Variants in ANXA3 observed in about 807,000 individuals in gnomAD.
ANXA3 encodes the protein 35-alpha calcimedin.
Under a neutral mutation model 48.8 loss-of-function variants are expected in ANXA3, and 46 were observed. That is an observed-to-expected ratio of 0.94 (90% CI 0.74 to 1.21). The LOEUF (loss-of-function observed/expected upper bound fraction) is 1.21. Among genes scored for constraint, ANXA3 ranks in the 50% most tolerant of loss-of-function variants. The pLI is 0.00. For synonymous variants in ANXA3, 128 were observed against 134.7 expected (o/e 0.95, Z 0.35); for missense variants, 383 against 378.6 (o/e 1.01, Z -0.10).
At chr4:78,593,803 A>ATTTTTTT (rs60515646) in intron 7 of ANXA3, among the ~76,000 whole-genome samples, 1 of 88,742 alleles carries the variant, frequency 1.1e-5, no homozygotes, top group African/African-American at 3.7e-5. Flanking sequence ...CATTCAGCTA[A>ATTTTTTT]TTTTTTTTTT....
intron 2 of ANXA3, among the ~76,000 whole-genome samples, chr4:78,565,647 T>C (rs1578392053): frequency 6.6e-6 from 1 of 152,220 alleles, no homozygotes; most frequent in African/African-American, 2.4e-5. Context: ...GTTCAAATCC[T>C]GGCTGTGCCA....
intron 2 of ANXA3, among the ~76,000 whole-genome samples, chr4:78,569,070 T>C (rs1344100347): frequency 6.6e-6 from 1 of 152,236 alleles, no homozygotes; most frequent in Non-Finnish European, 1.5e-5. Flanking sequence ...TGGCACATAG[T>C]GATTAGCAGC....
chr4:78,575,791 TATAACGAAGTC>T (rs1722938149), intron 3 of ANXA3, among the ~76,000 whole-genome samples: 1 of 152,256 alleles, frequency 6.6e-6, no homozygotes, highest in Admixed American at 6.5e-5. Context: ...GAATCTTTTC[TATAACGAAGTC>T]ATAAAGTTAG....
At chr4:78,580,462 G>A (rs1723048812) in intron 4 of ANXA3, among the ~76,000 whole-genome samples, 1 of 152,204 alleles carries the variant, frequency 6.6e-6, no homozygotes, top group Admixed American at 6.5e-5. Flanking sequence ...CTTGGGTCTT[G>A]GTAGGGTTTA....
intron 4 of ANXA3, among the ~76,000 whole-genome samples, chr4:78,580,315 G>GA (rs1723046576): frequency 6.6e-6 from 1 of 152,108 alleles, no homozygotes; most frequent in Non-Finnish European, 1.5e-5. Context: ...TTAAGGTACA[G>GA]AAAATATAAA....
chr4:78,558,131 C>T (rs971399482), intron 2 of ANXA3, among the ~76,000 whole-genome samples: 8 of 152,222 alleles, frequency 5.3e-5, no homozygotes, highest in African/African-American at 1.9e-4. Flanking sequence ...GTGAAAAAGC[C>T]AGTCCCAAAG....
intron 6 of ANXA3, among the ~76,000 whole-genome samples, chr4:78,586,754 A>G (rs185523113): frequency 1.3e-5 from 2 of 152,372 alleles, no homozygotes; most frequent in Admixed American, 6.5e-5. Context: ...TGTGTTGAGC[A>G]TAAGGATTCA....
At chr4:78,604,423 A>G in intron 12 of ANXA3, 24 bp downstream of exon 12, 1 of 1,599,966 alleles carries the variant, frequency 6.3e-7, no homozygotes, top group Non-Finnish European at 8.5e-7. Context: ...TAAAAATAGC[A>G]AAACATATTT....
intron 3 of ANXA3, among the ~76,000 whole-genome samples, chr4:78,578,362 A>AGAGGGAGGACGGGAGG: frequency 1.0e-5 from 1 of 96,160 alleles, no homozygotes; most frequent in African/African-American, 4.6e-5. Context: ...AAGGAGGGAG[A>AGAGGGAGGACGGGAGG]GAGGGAGGAA....
At chr4:78,580,090 C>G (rs548274229) in intron 4 of ANXA3, among the ~76,000 whole-genome samples, 1 of 152,244 alleles carries the variant, frequency 6.6e-6, no homozygotes, top group East Asian at 1.9e-4. Flanking sequence ...ATGGAGCTAA[C>G]ATTCTATTAG....
intron 2 of ANXA3, among the ~76,000 whole-genome samples, chr4:78,565,628 AT>A (rs1722714343): frequency 6.6e-6 from 1 of 152,208 alleles, no homozygotes; most frequent in Non-Finnish European, 1.5e-5. Flanking sequence ...CTGGAGCCAG[AT>A]TGCCTAGGTT....
intron 12 of ANXA3, among the ~76,000 whole-genome samples, chr4:78,609,442 G>A (rs1019212492): frequency 6.6e-6 from 1 of 152,140 alleles, no homozygotes; most frequent in Admixed American, 6.5e-5. Context: ...GTCTATTTTT[G>A]GTTGGCCTTG....
chr4:78,592,596 C>T (rs1341761670), intron 7 of ANXA3, among the ~76,000 whole-genome samples: 1 of 152,164 alleles, frequency 6.6e-6, no homozygotes, highest in East Asian at 1.9e-4. Context: ...TAGAGTAGGG[C>T]TCTAGGACAG....
intron 2 of ANXA3, among the ~76,000 whole-genome samples, chr4:78,556,012 T>G (rs1188649265): frequency 6.6e-6 from 1 of 152,164 alleles, no homozygotes; most frequent in Non-Finnish European, 1.5e-5. Context: ...GAGAGTAAAT[T>G]TGGTACACTT....
At chr4:78,570,834 T>C (rs1722828873) in intron 2 of ANXA3, among the ~76,000 whole-genome samples, 1 of 152,162 alleles carries the variant, frequency 6.6e-6, no homozygotes, top group Admixed American at 6.5e-5. Flanking sequence ...GGGGTAGTTC[T>C]TTTACAATGC....
intron 3 of ANXA3, among the ~76,000 whole-genome samples, chr4:78,576,378 C>T (rs1722954480): frequency 6.6e-6 from 1 of 151,956 alleles, no homozygotes; most frequent in Admixed American, 6.6e-5. Context: ...TGATCACAGC[C>T]CACTGCAGCC....
At chr4:78,608,856 G>A (rs1365803152) in intron 12 of ANXA3, among the ~76,000 whole-genome samples, 1 of 152,170 alleles carries the variant, frequency 6.6e-6, no homozygotes, top group Non-Finnish European at 1.5e-5. Context: ...CATTAGCGGT[G>A]TAAATATACT....
rs139115742 is a variant in ANXA3, at chr4:78,574,904, C to T, written c.103+1637C>T. On this transcript the variant is annotated intron_variant, in intron 3 of 12. Transcript: ENST00000264908. ...TGGAATTTCCACATTGATGGGGATG[C>T]TTCTCTTCAAATCAACTAGAAATTT... 3.7e-3 allele frequency among the ~76,000 whole-genome samples: 563 copies of T among 152,316 alleles called. 2 individuals carry two copies. The highest frequency in any genetic ancestry group is 0.017 in the Middle Eastern group (5 of 294).
At chr4:78,555,059 G>T (rs539039353) in intron 2 of ANXA3, among the ~76,000 whole-genome samples, 48 of 152,274 alleles carry the variant, frequency 3.2e-4, no homozygotes, top group African/African-American at 1.1e-3. Context: ...TACAAAAATA[G>T]CCCGGTGCGA....
Sources: allele counts gnomAD v4.1 joint callset (sites outside exome capture counted in the v4.1 genomes callset), GRCh38; gene constraint gnomAD v4.1.1; transcripts MANE v1.5; gene names NCBI Gene and HGNC (gene_info 2026-07-23, HGNC 2026-07-21).